DGKZ: variants seen among roughly 807,000 people sequenced by gnomAD.
DGKZ encodes the protein diacylglycerol kinase zeta.
In DGKZ, 45 loss-of-function variants were observed where a neutral mutation model predicts 142.5. The ratio of observed to expected loss-of-function variants is 0.32; its 90% CI spans 0.25 to 0.40. The LOEUF (loss-of-function observed/expected upper bound fraction) is 0.40, where lower values mean the gene tolerates loss of function less well. Ranked by LOEUF, DGKZ falls within the 10% of genes least tolerant of loss-of-function variation. The probability of loss-of-function intolerance (pLI) is 1.00; values close to 1 mark genes in which losing one functional copy is unlikely to be tolerated. For missense variants in DGKZ, 755 were observed against 1,306.5 expected (o/e 0.58, Z 6.51); for synonymous variants, 442 against 527.0 (o/e 0.84, Z 2.21).
At chr11:46,361,214 A>G (rs896484495) in intron 1 of DGKZ, among the ~76,000 whole-genome samples, 2 of 152,240 alleles carry the variant, frequency 1.3e-5, no homozygotes, top group Non-Finnish European at 2.9e-5. Flanking sequence ...AAACCTGTCC[A>G]GTGGGCGTGA....
rs1269215921 is a variant in DGKZ, at chr11:46,372,869, C to T, written c.1170C>T (p.Thr390=). ...GTACTGGCAACGACTTGGCCCGAAC[C>T]CTCAACTGGGGTGGGGTAAGCACCC... The change falls in exon 13 of 31, where the codon ACC becomes ACT. Residue 390 remains threonine (T), a synonymous_variant. Transcript: ENST00000527911. This position sits in a 1 kb window ranked among gnomAD's most constrained non-coding sequence, Gnocchi z 5.9. 3.8e-6 allele frequency: 6 copies of T among 1,587,992 alleles called. No individual in the cohort carries two copies. Among genetic ancestry groups the T allele is most frequent in the Non-Finnish European group, 5.1e-6 (6 of 1,166,792 alleles).
Position 46,366,321 on chromosome 11 carries a change from G to A in DGKZ, c.162-970G>A, listed in dbSNP as rs761075766. On this transcript the variant is annotated intron_variant, in intron 1 of 30. Transcript: ENST00000527911. Reference sequence around the variant, plus strand: ...CCAGGCCCTGGAGAGGGGCAGCAGCGGCCCAGCAGCGTGGGGCTGCCCACA... The same window carrying A: ...CCAGGCCCTGGAGAGGGGCAGCAGCAGCCCAGCAGCGTGGGGCTGCCCACA... 2.9e-5 allele frequency: 45 copies of A among 1,570,282 alleles called. No individual in the cohort carries two copies. Among genetic ancestry groups the A allele is most frequent in the Non-Finnish European group, 3.3e-5 (39 of 1,167,942 alleles).
At chr11:46,366,610 G>A (rs1943295340) in intron 1 of DGKZ, 3 of 1,607,818 alleles carry the variant, frequency 1.9e-6, no homozygotes, top group African/African-American at 1.3e-5. Context: ...GCATGAATGA[G>A]GAGGAGGGTG....
chr11:46,376,411 C>A lies in DGKZ; in HGVS notation c.2161+14C>A. On this transcript the variant is annotated intron_variant, in intron 23 of 30. Transcript: ENST00000527911. ...GCTTCCTGGACGGTGAGTCTACTCC[C>A]AGGGTGCCAAGCTGTTTCGTGTTCC... 4 of 1,614,082 alleles carry A rather than the reference C, an allele frequency of 2.5e-6. No individual in the cohort carries two copies. Among genetic ancestry groups the A allele is most frequent in the Non-Finnish European group, 3.4e-6 (4 of 1,179,990 alleles).
chr11:46,367,717 T>G lies in DGKZ; in HGVS notation c.336T>G (p.Val112=). The G allele has an allele frequency of 6.2e-7, 1 of 1,612,744 alleles. No individual in the cohort carries two copies. ...ACGTGTCCGGGGACTTCTGCTACGT[T>G]GGGGAGCAGTACTGTGTAGCCAGGA... Residue 112 remains valine, a synonymous_variant, in exon 3 of 31, where the codon GTT becomes GTG. Coordinates refer to ENST00000527911, the Ensembl canonical transcript of DGKZ. This position sits in a 1 kb window ranked among gnomAD's most constrained non-coding sequence, Gnocchi z 4.1.
intron 1 of DGKZ, among the ~76,000 whole-genome samples, chr11:46,340,916 G>A (rs1940245795): frequency 6.6e-6 from 1 of 152,224 alleles, no homozygotes; most frequent in Admixed American, 6.5e-5. Flanking sequence ...TGGAAGGCCA[G>A]GGCGGGCCAA....
At chr11:46,345,735 G>A, upstream of DGKZ, 4 of 803,574 alleles carry the variant, frequency 5.0e-6, no homozygotes, top group Non-Finnish European at 7.3e-6. The surrounding 1 kb of genome is among the most constrained non-coding windows in gnomAD (Gnocchi z 4.1). Flanking sequence ...GTTATTGGCA[G>A]GGTGCAGGGA....
exon 6 of DGKZ, chr11:46,369,986 G>C: frequency 6.2e-7 from 1 of 1,613,812 alleles, no homozygotes; most frequent in Non-Finnish European, 8.5e-7. Context: ...ACGCCAGGAC[G>C]GCAAGTGTCG....
chr11:46,351,749 C>T (rs950666235), intron 1 of DGKZ, among the ~76,000 whole-genome samples: 2 of 152,180 alleles, frequency 1.3e-5, no homozygotes, highest in South Asian at 2.1e-4. Flanking sequence ...GGCCGAGCTG[C>T]GTTCATCTCA....
chr11:46,345,244 T>C, upstream of DGKZ: 16 of 1,349,826 alleles, frequency 1.2e-5, no homozygotes, highest in South Asian at 1.9e-5. This position sits in a 1 kb window ranked among gnomAD's most constrained non-coding sequence, Gnocchi z 4.1. Flanking sequence ...TGCCCCTTGC[T>C]TTCTTGTGCA....
At chr11:46,380,423 C>G (rs1410943440), downstream of DGKZ, 1 of 154,964 alleles carries the variant, frequency 6.5e-6, no homozygotes, top group Admixed American at 6.4e-5. Context: ...TGCTTGGCAC[C>G]CGCTCCGGCG....
At chr11:46,340,578 C>G (rs1336689978) in intron 1 of DGKZ, among the ~76,000 whole-genome samples, 1 of 152,226 alleles carries the variant, frequency 6.6e-6, no homozygotes. Flanking sequence ...CTTGCCTCAG[C>G]AGGAGAGGGT....
intron 19 of DGKZ, 108 bp downstream of exon 19, chr11:46,375,153 CTTCTTTGTCTCA>C (rs1944398066): frequency 9.3e-7 from 1 of 1,074,424 alleles, no homozygotes. Flanking sequence ...CCTCACCTCC[CTTCTTTGTCTCA>C]TTCCTCTGGC....
rs750840248 is a variant in DGKZ, at chr11:46,379,857, G to A, written c.2715G>A (p.Glu905=). The change falls in exon 31 of 31, where the codon GAG becomes GAA. Residue 905 remains glutamate, a synonymous_variant. Coordinates refer to ENST00000527911, the Ensembl canonical transcript of DGKZ. ...GCGACACTCCCCGGCAGCGGGCTGAGAAGGCTCAGGACACCGAGCTGGCCG... is the reference window on the plus strand; with the variant it reads ...GCGACACTCCCCGGCAGCGGGCTGAAAAGGCTCAGGACACCGAGCTGGCCG... 1.3e-5 allele frequency: 21 copies of A among 1,610,618 alleles called. No individual in the cohort carries two copies. In the African/African-American group the frequency reaches 2.5e-4, roughly 19 times the overall value.
chr11:46,339,258 A>G (rs1350215223), intron 1 of DGKZ, among the ~76,000 whole-genome samples: 1 of 152,222 alleles, frequency 6.6e-6, no homozygotes, highest in Admixed American at 6.5e-5. Context: ...TGACAGGGAG[A>G]TGGGGCCGAT....
chr11:46,377,151 C>T lies in DGKZ; in HGVS notation c.2281C>T (p.Arg761Trp), dbSNP rs779625911. 71 of 1,612,280 alleles carry T rather than the reference C, an allele frequency of 4.4e-5. No homozygotes were observed. In the East Asian group the frequency reaches 5.8e-4, roughly 13 times the overall value. The change falls in exon 25 of 31, where the codon CGG (arginine) becomes TGG (tryptophan). Residue 761 changes from arginine (R) to tryptophan (W), a missense_variant. Physicochemically the swap from Arg to Trp is moderately radical, Grantham distance 101. Coordinates refer to ENST00000527911, the Ensembl canonical transcript of DGKZ. ...CCCTGAGCTGCTGGGGGCATCGGCCCGGCCTGACCTCCCAACCCCCACTTC... is the reference window on the plus strand; with the variant it reads ...CCCTGAGCTGCTGGGGGCATCGGCCTGGCCTGACCTCCCAACCCCCACTTC...
chr11:46,380,030 G>A (rs1945047413), exon 31 of DGKZ: 7 of 1,355,202 alleles, frequency 5.2e-6, no homozygotes, highest in Middle Eastern at 2.6e-4. Context: ...ACATTCCAGT[G>A]GGACGGCCAC....
intron 1 of DGKZ, among the ~76,000 whole-genome samples, chr11:46,349,781 T>G (rs2136400573): frequency 6.6e-6 from 1 of 152,286 alleles, no homozygotes; most frequent in African/African-American, 2.4e-5. Flanking sequence ...GAGGTAGAGA[T>G]AAGGTTTGAA....
At chr11:46,345,559 G>A (rs1275826744), upstream of DGKZ, 1 of 1,528,840 alleles carries the variant, frequency 6.5e-7, no homozygotes, top group Non-Finnish European at 8.8e-7. The surrounding 1 kb of genome is among the most constrained non-coding windows in gnomAD (Gnocchi z 4.1). Flanking sequence ...ACGTGCCACA[G>A]ATCCCATCAG....
Sources: allele counts gnomAD v4.1 joint callset (sites outside exome capture counted in the v4.1 genomes callset), GRCh38; gene constraint gnomAD v4.1.1; non-coding constraint Gnocchi (gnomAD v3.1); transcripts MANE v1.5; gene names NCBI Gene and HGNC (gene_info 2026-07-23, HGNC 2026-07-21).